Variants in NDST3 observed in about 807,000 individuals in gnomAD.
The protein encoded by NDST3 is bifunctional heparan sulfate N-deacetylase/N-sulfotransferase 3.
A neutral mutation model predicts 96.1 loss-of-function variants in NDST3; 58 were observed. That is an observed-to-expected ratio of 0.60 (90% confidence interval 0.49 to 0.75). The LOEUF is 0.75. Ranked by LOEUF, NDST3 falls within the 30% of genes least tolerant of loss-of-function variation. The pLI, the probability that NDST3 is intolerant of heterozygous loss-of-function variation, is 0.00. For synonymous variants in NDST3, 333 were observed against 359.7 expected, an observed-to-expected ratio of 0.93 and a Z score of 0.84; for missense variants, 788 against 1,034.2, an observed-to-expected ratio of 0.76 and a Z score of 3.27.
intron 3 of NDST3, among the ~76,000 whole-genome samples, chr4:118,109,558 C>T (rs1002460899): frequency 6.6e-6 from 1 of 152,152 alleles, no homozygotes; most frequent in African/African-American, 2.4e-5. Context: ...GAAAGTACAA[C>T]ACAGATGGAA....
intron 12 of NDST3, among the ~76,000 whole-genome samples, chr4:118,243,924 C>T (rs1039885971): frequency 2.6e-5 from 4 of 152,078 alleles, no homozygotes; most frequent in Non-Finnish European, 2.9e-5. Flanking sequence ...TACAAAGAAC[C>T]GTAGTCCGTT....
At chr4:118,181,501 G>C (rs1019492250) in intron 6 of NDST3, among the ~76,000 whole-genome samples, 6 of 152,122 alleles carry the variant, frequency 3.9e-5, no homozygotes, top group Non-Finnish European at 8.8e-5. Flanking sequence ...TAGTTAGCAT[G>C]AGTTTGAGAA....
At chr4:118,095,696 C>G (rs1238179497) in intron 2 of NDST3, among the ~76,000 whole-genome samples, 1 of 151,526 alleles carries the variant, frequency 6.6e-6, no homozygotes, top group Non-Finnish European at 1.5e-5. Flanking sequence ...TTTTCATCAC[C>G]CCAAAAGGAA....
intron 10 of NDST3, 60 bp from the exon 11 acceptor site, chr4:118,240,464 A>G (rs641962): frequency 0.91 from 1,254,934 of 1,381,662 alleles, 574,495 homozygotes; most frequent in South Asian, 0.96. Context: ...ACAAAGATTG[A>G]TTTTTAATTA....
At chr4:118,155,290 C>T (rs1373078449) in intron 6 of NDST3, among the ~76,000 whole-genome samples, 1 of 152,164 alleles carries the variant, frequency 6.6e-6, no homozygotes, top group East Asian at 1.9e-4. Flanking sequence ...CAGTTCCCAT[C>T]CAGGGCCAAT....
At chr4:118,106,769 C>A (rs1730219046) in intron 3 of NDST3, among the ~76,000 whole-genome samples, 1 of 151,918 alleles carries the variant, frequency 6.6e-6, no homozygotes, top group African/African-American at 2.4e-5. Context: ...CCAGTCTAAG[C>A]AACAGAGCAA....
chr4:118,060,853 G>T (rs1216763279), intron 2 of NDST3, among the ~76,000 whole-genome samples: 1 of 152,048 alleles, frequency 6.6e-6, no homozygotes, highest in Non-Finnish European at 1.5e-5. Context: ...TGGCGGTTGG[G>T]TTATTCTGGT....
chr4:118,222,824 G>A (rs944927171), intron 6 of NDST3, among the ~76,000 whole-genome samples: 5 of 151,960 alleles, frequency 3.3e-5, no homozygotes, highest in Non-Finnish European at 7.4e-5. Context: ...CAGGTAGAGA[G>A]TAGCTCTCTG....
At chr4:118,092,838 G>T (rs536163842) in intron 2 of NDST3, among the ~76,000 whole-genome samples, 11 of 151,932 alleles carry the variant, frequency 7.2e-5, no homozygotes, top group African/African-American at 2.7e-4. Flanking sequence ...GACACTGGCA[G>T]GTGTTGTGGA....
At chr4:118,109,396 C>A (rs933485365) in intron 3 of NDST3, among the ~76,000 whole-genome samples, 1 of 152,144 alleles carries the variant, frequency 6.6e-6, no homozygotes, top group African/African-American at 2.4e-5. Context: ...ACACTCCTGG[C>A]AACTCCATTA....
At chr4:118,089,180 T>G (rs1002426447) in intron 2 of NDST3, among the ~76,000 whole-genome samples, 2 of 151,910 alleles carry the variant, frequency 1.3e-5, no homozygotes, top group African/African-American at 4.8e-5. Flanking sequence ...AAGATATAAT[T>G]TATTTGGTAA....
At chr4:118,237,264 T>G in intron 10 of NDST3, 44 bp downstream of exon 10, 1 of 1,484,094 alleles carries the variant, frequency 6.7e-7, no homozygotes, top group South Asian at 1.4e-5. Context: ...AAGTGGAGTA[T>G]GGACAATGGA....
intron 6 of NDST3, among the ~76,000 whole-genome samples, chr4:118,168,736 C>T (rs753120371): frequency 2.6e-5 from 4 of 152,086 alleles, no homozygotes; most frequent in Admixed American, 6.6e-5. Flanking sequence ...GTCCATCAAT[C>T]GGCAAACGGG....
At chr4:118,190,861 G>T (rs1737259563) in intron 6 of NDST3, among the ~76,000 whole-genome samples, 1 of 152,070 alleles carries the variant, frequency 6.6e-6, no homozygotes, top group Admixed American at 6.6e-5. Context: ...ATATTCAATT[G>T]TATTTTGAAG....
chr4:118,137,891 T>A (rs984929727), intron 4 of NDST3, among the ~76,000 whole-genome samples, 163 bp from the exon 5 acceptor site: 1 of 152,204 alleles, frequency 6.6e-6, no homozygotes, highest in Non-Finnish European at 1.5e-5. Flanking sequence ...ACAGGCTTCA[T>A]GACGTCTAGA....
intron 8 of NDST3, among the ~76,000 whole-genome samples, chr4:118,229,424 G>A (rs1174395423): frequency 1.3e-5 from 2 of 152,206 alleles, no homozygotes; most frequent in South Asian, 2.1e-4. Context: ...TTATTTAAAT[G>A]TGTGTCTATG....
chr4:118,202,974 T>C (rs1738193827), intron 6 of NDST3, among the ~76,000 whole-genome samples: 1 of 152,220 alleles, frequency 6.6e-6, no homozygotes, highest in African/African-American at 2.4e-5. Flanking sequence ...CTTATTATTT[T>C]GAAGTATGTT....
intron 4 of NDST3, among the ~76,000 whole-genome samples, chr4:118,129,428 T>G (rs1010596911): frequency 2.1e-4 from 32 of 152,192 alleles, no homozygotes; most frequent in African/African-American, 7.5e-4. Context: ...AATTTCCATC[T>G]TAATTTTTTC....
chr4:118,224,402 A>G, intron 6 of NDST3, 89 bp from the exon 7 acceptor site: 2 of 1,257,240 alleles, frequency 1.6e-6, no homozygotes, highest in Admixed American at 2.4e-5. Context: ...CAGACTACTT[A>G]AGGAAAAAAA....
Sources: gnomAD v4.1 joint callset for allele counts (sites outside exome capture counted in the v4.1 genomes callset) on GRCh38, gnomAD v4.1.1 for gene constraint, MANE v1.5 for transcripts, NCBI Gene and HGNC (gene_info 2026-07-23, HGNC 2026-07-21) for gene names.